NEDD4L: variants seen among roughly 807,000 people sequenced by gnomAD.
NEDD4L encodes the protein E3 ubiquitin-protein ligase NEDD4-like.
Under a neutral mutation model 148.9 loss-of-function variants are expected in NEDD4L, and 54 were observed. The observed-to-expected ratio is 0.36, with a 90% CI of 0.29 to 0.45. The LOEUF is 0.45. NEDD4L is among the 20% of genes least tolerant of loss of function. NEDD4L has a pLI of 1.00. For synonymous variants in NEDD4L, 433 were observed against 440.7 expected (o/e 0.98, Z 0.22); for missense variants, 856 against 1,233.8 (o/e 0.69, Z 4.59).
chr18:58,186,097 G>GCACACGCACACAGAGAAGGATACA (rs1568349858), intron 2 of NEDD4L, among the ~76,000 whole-genome samples: 162 of 143,800 alleles, frequency 1.1e-3, no homozygotes, highest in African/African-American at 4.4e-3. Flanking sequence ...AGAAGGATAC[G>GCACACGCACACAGAGAAGGATACA]TATGCACACG....
chr18:58,064,125 C>T (rs769582016), intron 1 of NEDD4L, among the ~76,000 whole-genome samples: 30 of 151,924 alleles, frequency 2.0e-4, no homozygotes, highest in Non-Finnish European at 3.2e-4. Context: ...CCACCACGCC[C>T]GGCTAACTTT....
At position 58,320,343 on chromosome 18, in the gene NEDD4L, C is replaced by T. The variant is rs955109715; in HGVS notation, c.349-2082C>T. ...CCATTTTGATTTCCAAGTCAGAGTC[C>T]GTCTGTTCCCTGTACCCCAAGTCTC... is the stretch of plus-strand genomic sequence containing the variant. On this transcript the variant is annotated intron_variant, in intron 6 of 30. Coordinates refer to ENST00000400345, the MANE Select transcript of NEDD4L (RefSeq NM_001144967.3). 4.6e-5 allele frequency among the ~76,000 whole-genome samples: 7 copies of T among 152,256 alleles called. No homozygotes were observed. In the South Asian group the frequency reaches 8.3e-4, roughly 18 times the overall value.
intron 1 of NEDD4L, among the ~76,000 whole-genome samples, chr18:58,065,045 C>A (rs1428780651): frequency 1.3e-5 from 2 of 152,220 alleles, no homozygotes; most frequent in Non-Finnish European, 2.9e-5. Context: ...AGCTCTGGTT[C>A]TTCAGAATAT....
At chr18:58,217,767 A>G (rs2043302822) in intron 2 of NEDD4L, among the ~76,000 whole-genome samples, 2 of 152,236 alleles carry the variant, frequency 1.3e-5, no homozygotes, top group Admixed American at 1.3e-4. Flanking sequence ...ATTGGTTACC[A>G]TTTAATTTTA....
chr18:58,152,405 G>A lies in NEDD4L; in HGVS notation c.49-13383G>A, dbSNP rs569168037. On this transcript the variant is annotated intron_variant, in intron 1 of 30. Coordinates refer to ENST00000400345, the MANE Select transcript of NEDD4L (RefSeq NM_001144967.3). Reference sequence around the variant, plus strand: ...GGTTAGGGTGGAGATAAAGATCTGGGAGATCTACAGATACGGATCATCTGC... The same window carrying A: ...GGTTAGGGTGGAGATAAAGATCTGGAAGATCTACAGATACGGATCATCTGC... Among the ~76,000 whole-genome samples, 260 of 152,262 alleles carry A rather than the reference G, an allele frequency of 1.7e-3. 1 individual carries two copies. Among genetic ancestry groups the A allele is most frequent in the African/African-American group, 6.0e-3 (249 of 41,538 alleles).
At chr18:58,299,062 T>G (rs977220773) in intron 5 of NEDD4L, among the ~76,000 whole-genome samples, 4 of 152,242 alleles carry the variant, frequency 2.6e-5, no homozygotes, top group African/African-American at 9.6e-5. Context: ...GCGATAAGGC[T>G]GAAGAAGGCT....
At chr18:58,377,219 C>T (rs959111021) in intron 24 of NEDD4L, among the ~76,000 whole-genome samples, 5 of 152,106 alleles carry the variant, frequency 3.3e-5, no homozygotes, top group Non-Finnish European at 5.9e-5. Context: ...GCATGATGCC[C>T]GGACAAGCCT....
At chr18:58,306,399 A>T (rs150454472) in intron 5 of NEDD4L, among the ~76,000 whole-genome samples, 2 of 152,176 alleles carry the variant, frequency 1.3e-5, no homozygotes, top group East Asian at 3.9e-4. Context: ...TAGATGAGGA[A>T]GGAAGGGCAC....
chr18:58,324,919 C>G, intron 8 of NEDD4L, 77 bp from the exon 9 acceptor site: 2 of 1,334,714 alleles, frequency 1.5e-6, no homozygotes, highest in Non-Finnish European at 2.1e-6. Context: ...GAAGGGCATG[C>G]AGGGCATGCT....
At chr18:58,140,677 G>A (rs1057122246) in intron 1 of NEDD4L, among the ~76,000 whole-genome samples, 1 of 152,236 alleles carries the variant, frequency 6.6e-6, no homozygotes, top group Non-Finnish European at 1.5e-5. Context: ...CCATAACGTG[G>A]TGTATTTGCA....
At chr18:58,341,252 G>T (rs1011234869) in intron 14 of NEDD4L, 83 bp downstream of exon 14, 1 of 1,479,826 alleles carries the variant, frequency 6.8e-7, no homozygotes, top group African/African-American at 1.4e-5. Flanking sequence ...TGGTGTTTAT[G>T]TATTGTTCTG....
chr18:58,054,777 A>G (rs1379251571), intron 1 of NEDD4L: 2 of 152,228 alleles, frequency 1.3e-5, no homozygotes, highest in Non-Finnish European at 2.9e-5. Context: ...CAGAAGATAA[A>G]TGAATGTGGC....
At chr18:58,317,891 C>T (rs1479849726) in intron 6 of NEDD4L, among the ~76,000 whole-genome samples, 3 of 152,254 alleles carry the variant, frequency 2.0e-5, no homozygotes, top group Admixed American at 6.5e-5. Flanking sequence ...ACTAGCTGTT[C>T]ACAGCCAACT....
At chr18:58,149,471 G>A in intron 1 of NEDD4L, 1 of 1,549,528 alleles carries the variant, frequency 6.5e-7, no homozygotes, top group South Asian at 1.2e-5. Flanking sequence ...TTCAGAACTT[G>A]CTCTGCCCTT....
At chr18:58,113,369 T>A (rs1001589367) in intron 1 of NEDD4L, among the ~76,000 whole-genome samples, 1 of 152,202 alleles carries the variant, frequency 6.6e-6, no homozygotes, top group African/African-American at 2.4e-5. Context: ...TGATTACAGA[T>A]TGAACAATGG....
chr18:58,396,214 G>T lies in NEDD4L; in HGVS notation c.2873G>T (p.Arg958Leu). ...CCATATGAAACCTTTGAAGATTTAC[G>T]AGAGAAACTTCTCATGGCCGTGGAA... ...LPPYETFEDL[R>L]EKLLMAVENA... The change falls in exon 31 of 31, where the codon CGA (arginine) becomes CTA (leucine). Residue 958 changes from arginine (R) to leucine (L), a missense_variant. This residue lies in a region of NEDD4L where 286 missense variants were observed against 531.8 expected (regional missense o/e 0.54). Transcript: ENST00000400345. 1 of 1,613,588 alleles carries T rather than the reference G, an allele frequency of 6.2e-7. No individual in the cohort carries two copies. Among genetic ancestry groups the T allele is most frequent in the Non-Finnish European group, 8.5e-7 (1 of 1,179,704 alleles).
chr18:58,130,108 G>A (rs1481617209), intron 1 of NEDD4L, among the ~76,000 whole-genome samples: 1 of 150,524 alleles, frequency 6.6e-6, no homozygotes, highest in Non-Finnish European at 1.5e-5. Flanking sequence ...CTCTGTTGGG[G>A]TTTGGTTGAC....
chr18:58,358,496 T>A (rs2045025814), intron 19 of NEDD4L, among the ~76,000 whole-genome samples: 1 of 152,220 alleles, frequency 6.6e-6, no homozygotes, highest in African/African-American at 2.4e-5. Context: ...GACATAACTT[T>A]GAAGCCTTTT....
Position 58,342,972 on chromosome 18 carries a change from C to G in NEDD4L, c.1444C>G (p.Pro482Ala). 1 of 1,613,924 alleles carries G rather than the reference C, an allele frequency of 6.2e-7. No homozygotes were observed. The highest frequency in any genetic ancestry group is 1.1e-5 in the South Asian group (1 of 91,050). Residue 482 changes from proline (P) to alanine (A), a missense_variant, in exon 16 of 31, where the codon CCA becomes GCA. Around this residue, in one of 4 missense-constraint regions of NEDD4L, gnomAD observed 367 missense variants for 422.7 expected, o/e 0.87. Transcript: ENST00000400345. The part of the protein sequence containing the change: ...DTLSNPQSPQ[P>A]SPYNSPKPQH... ...CCTTTCCAACCCACAGTCCCCACAG[C>G]CATCACCTTACAACTCCCCCAAACC...
Sources: gnomAD v4.1 joint callset for allele counts (sites outside exome capture counted in the v4.1 genomes callset) on GRCh38, gnomAD v4.1.1 for gene constraint, gnomAD v4.1.1 regional missense constraint, MANE v1.5 for transcripts, NCBI Gene and HGNC (gene_info 2026-07-23, HGNC 2026-07-21) for gene names.